Variants in PRKCQ observed in about 807,000 individuals in gnomAD.
PRKCQ encodes the protein protein kinase C theta type.
In PRKCQ, 41 loss-of-function variants were observed where a neutral mutation model predicts 91.2. That is an observed-to-expected ratio of 0.45 (90% CI 0.35 to 0.58). PRKCQ has a LOEUF of 0.58. PRKCQ is among the 20% of genes least tolerant of loss of function. The pLI, the probability that PRKCQ is intolerant of heterozygous loss-of-function variation, is 0.00. For missense variants in PRKCQ, 673 were observed against 896.5 expected (o/e 0.75, Z 3.18); for synonymous variants, 307 against 316.9 (o/e 0.97, Z 0.33).
At chr10:6,444,909 A>G (rs1834176557) in intron 15 of PRKCQ, among the ~76,000 whole-genome samples, 1 of 152,016 alleles carries the variant, frequency 6.6e-6, no homozygotes, top group South Asian at 2.1e-4. Flanking sequence ...GGATCACCCG[A>G]GGTCAGGAGT....
At chr10:6,415,375 TAA>T in the PRKCQ span, among the ~76,000 whole-genome samples, 1 of 142,160 alleles carries the variant, frequency 7.0e-6, no homozygotes, top group South Asian at 2.2e-4. Flanking sequence ...AACCTAGTGA[TAA>T]AGAGAAAATC....
rs74420882 is a variant in PRKCQ, at chr10:6,474,108, T to C, written c.1353+4884A>G. On this transcript the variant is annotated intron_variant, in intron 12 of 17. Coordinates refer to ENST00000263125, the MANE Select transcript of PRKCQ (RefSeq NM_006257.5). Reference sequence around the variant, plus strand: ...CTTTGTGTGTTCTATGAATAGAAAGTGAAACTCAGTTTTCTTTTTCATAAA... The same window carrying C: ...CTTTGTGTGTTCTATGAATAGAAAGCGAAACTCAGTTTTCTTTTTCATAAA... Among the ~76,000 whole-genome samples, 817 of 152,338 alleles carry C rather than the reference T, an allele frequency of 5.4e-3. 7 individuals are homozygous for C. Among genetic ancestry groups the C allele is most frequent in the African/African-American group, 0.018 (769 of 41,582 alleles).
At chr10:6,545,274 A>T (rs9645607) in intron 1 of PRKCQ, among the ~76,000 whole-genome samples, 2 of 152,212 alleles carry the variant, frequency 1.3e-5, no homozygotes, top group Non-Finnish European at 2.9e-5. Context: ...AAAGCACTGC[A>T]CTGGGCGCTG....
chr10:6,452,544 A>C (rs566850325), intron 15 of PRKCQ, among the ~76,000 whole-genome samples: 7 of 150,824 alleles, frequency 4.6e-5, no homozygotes, highest in South Asian at 2.1e-4. Flanking sequence ...GCTACCAATG[A>C]CTTTCTTCAC....
intron 1 of PRKCQ, among the ~76,000 whole-genome samples, chr10:6,534,776 A>ATCTATC (rs1554780274): frequency 7.7e-5 from 2 of 26,136 alleles, no homozygotes; most frequent in African/African-American, 1.2e-4. Context: ...ACATATATCT[A>ATCTATC]TATATATATA....
chr10:6,440,384 C>A (rs1390554486), intron 16 of PRKCQ, among the ~76,000 whole-genome samples: 2 of 152,346 alleles, frequency 1.3e-5, no homozygotes, highest in East Asian at 3.9e-4. Flanking sequence ...CAGCCAAACA[C>A]ATCTGCAAGG....
At chr10:6,578,992 G>A (rs1439189447) in intron 1 of PRKCQ, among the ~76,000 whole-genome samples, 1 of 152,196 alleles carries the variant, frequency 6.6e-6, no homozygotes, top group Non-Finnish European at 1.5e-5. Context: ...TGGCTTCTAG[G>A]GAGCAAACCA....
At chr10:6,443,526 A>G (rs1458945548) in intron 15 of PRKCQ, among the ~76,000 whole-genome samples, 1 of 152,218 alleles carries the variant, frequency 6.6e-6, no homozygotes, top group East Asian at 1.9e-4. Context: ...AACCTGGAAA[A>G]CATGATGTTG....
intron 8 of PRKCQ, among the ~76,000 whole-genome samples, chr10:6,486,628 C>T (rs1289820537): frequency 2.0e-5 from 3 of 152,352 alleles, no homozygotes; most frequent in South Asian, 2.1e-4. Flanking sequence ...ACTGTAATAC[C>T]GTTGGCCAAT....
the PRKCQ span, among the ~76,000 whole-genome samples, chr10:6,416,511 G>A: frequency 2.6e-5 from 4 of 152,076 alleles, no homozygotes; most frequent in Non-Finnish European, 5.9e-5. Flanking sequence ...ATTGTCTCTA[G>A]CTCCATCCAA....
At chr10:6,398,733 T>C in the PRKCQ span, among the ~76,000 whole-genome samples, 1 of 144,920 alleles carries the variant, frequency 6.9e-6, no homozygotes, top group Non-Finnish European at 1.6e-5. Context: ...ATTTTAGAGC[T>C]GAATTTTTCT....
intron 8 of PRKCQ, 60 bp downstream of exon 8, chr10:6,491,623 G>A: frequency 6.3e-7 from 1 of 1,597,774 alleles, no homozygotes; most frequent in Admixed American, 1.7e-5. Flanking sequence ...TCCCCAGAAA[G>A]CCTTGCTCCA....
intron 8 of PRKCQ, 42 bp downstream of exon 8, chr10:6,491,641 G>A (rs761452467): frequency 3.7e-6 from 6 of 1,610,368 alleles, no homozygotes; most frequent in Non-Finnish European, 5.1e-6. Context: ...CCATCCCCTA[G>A]GGGGTCCACG....
At chr10:6,468,907 T>A (rs1182928474) in intron 12 of PRKCQ, among the ~76,000 whole-genome samples, 1 of 152,112 alleles carries the variant, frequency 6.6e-6, no homozygotes, top group Admixed American at 6.6e-5. Flanking sequence ...ATGGAAAGAG[T>A]TGGGAATTCT....
chr10:6,521,904 G>A (rs4991835), intron 1 of PRKCQ, among the ~76,000 whole-genome samples: 2 of 144,270 alleles, frequency 1.4e-5, no homozygotes, highest in Non-Finnish European at 3.2e-5. Context: ...TATGTTATGT[G>A]ATGTTATGTT....
intron 1 of PRKCQ, among the ~76,000 whole-genome samples, chr10:6,551,554 A>G (rs151204255): frequency 0.019 from 2,844 of 151,606 alleles, 75 homozygotes; most frequent in African/African-American, 0.066. Flanking sequence ...CTGCCACCAC[A>G]CCCGGCTAAT....
the PRKCQ span, among the ~76,000 whole-genome samples, chr10:6,399,801 G>A: frequency 6.6e-6 from 1 of 152,030 alleles, no homozygotes; most frequent in Non-Finnish European, 1.5e-5. Context: ...AGTTCTCCAG[G>A]CAGAACAGAG....
At chr10:6,575,916 T>A (rs1841215336) in intron 1 of PRKCQ, among the ~76,000 whole-genome samples, 3 of 151,148 alleles carry the variant, frequency 2.0e-5, no homozygotes, top group Non-Finnish European at 4.4e-5. Context: ...AGCGCGTGCC[T>A]ATAGTCCCAG....
the PRKCQ span, among the ~76,000 whole-genome samples, chr10:6,395,360 G>C: frequency 3.8e-4 from 58 of 152,158 alleles, no homozygotes; most frequent in African/African-American, 1.2e-3. Flanking sequence ...CAGCGCGCCC[G>C]GCCGGCTGGA....
Sources: gnomAD v4.1 joint callset for allele counts (sites outside exome capture counted in the v4.1 genomes callset) on GRCh38, gnomAD v4.1.1 for gene constraint, MANE v1.5 for transcripts, NCBI Gene and HGNC (gene_info 2026-07-23, HGNC 2026-07-21) for gene names.